The following FAM89A variants were observed in gnomAD, a reference collection of about 807,000 sequenced individuals.
FAM89A encodes family with sequence similarity 89 member A.
Under a neutral mutation model 7.1 loss-of-function variants are expected in FAM89A, and 10 were observed. The ratio of observed to expected loss-of-function variants is 1.40; its 90% CI spans 0.86 to 2.38. The LOEUF is 2.38. FAM89A is among the 30% of genes most tolerant of loss of function. The pLI is 0.00. For missense variants in FAM89A, 276 were observed against 262.8 expected, an observed-to-expected ratio of 1.05 and a Z score of -0.35; for synonymous variants, 157 against 129.3, an observed-to-expected ratio of 1.21 and a Z score of -1.45.
At chr1:231,021,345 G>T (rs1229311149) in intron 1 of FAM89A, among the ~76,000 whole-genome samples, 1 of 152,220 alleles carries the variant, frequency 6.6e-6, no homozygotes, top group Non-Finnish European at 1.5e-5. Context: ...ATGCCTCCCG[G>T]GCTAAAGCAC....
intron 1 of FAM89A, among the ~76,000 whole-genome samples, chr1:231,031,240 T>A (rs1188050485): frequency 6.6e-6 from 1 of 152,212 alleles, no homozygotes; most frequent in Non-Finnish European, 1.5e-5. Context: ...TTGGTTGAAG[T>A]AAATGAAGAA....
At position 231,035,124 on chromosome 1, in the gene FAM89A, A is replaced by G. The variant is rs540220683; in HGVS notation, c.291+4797T>C. Among the ~76,000 whole-genome samples the G allele has an allele frequency of 9.8e-5, 15 of 152,332 alleles. 1 individual carries two copies. The South Asian group carries it at 1.7e-3, about 17-fold the overall frequency. ...AGACACTGGTTTCACATAAAGGATA[A>G]GGACTGTACTCCACTGGGGTGTCAG... On this transcript the variant is annotated intron_variant, in intron 1 of 1. Transcript: ENST00000366654.
At chr1:231,038,295 A>G (rs1260274367) in intron 1 of FAM89A, among the ~76,000 whole-genome samples, 3 of 152,200 alleles carry the variant, frequency 2.0e-5, no homozygotes, top group Non-Finnish European at 4.4e-5. Flanking sequence ...GTTGTGCTTC[A>G]GTCACACCAG....
At chr1:231,022,053 T>C in intron 1 of FAM89A, 1 of 1,418,298 alleles carries the variant, frequency 7.1e-7, no homozygotes, top group African/African-American at 1.4e-5. Flanking sequence ...AATAGACGTC[T>C]CATCGTTTCC....
chr1:231,020,843 C>A (rs1679863572), intron 1 of FAM89A, among the ~76,000 whole-genome samples: 1 of 152,158 alleles, frequency 6.6e-6, no homozygotes, highest in East Asian at 1.9e-4. Context: ...TTATAAAAGT[C>A]ATATACTTGT....
chr1:231,020,186 TG>T, intron 1 of FAM89A, 60 bp from the exon 2 acceptor site: 1 of 1,509,886 alleles, frequency 6.6e-7, no homozygotes, highest in South Asian at 1.3e-5. Flanking sequence ...TTAATTTCAG[TG>T]GAACACTCAG....
At chr1:231,030,192 T>C (rs1255255730) in intron 1 of FAM89A, among the ~76,000 whole-genome samples, 1 of 152,222 alleles carries the variant, frequency 6.6e-6, no homozygotes, top group Non-Finnish European at 1.5e-5. Context: ...TCTGGTCAGC[T>C]TCATCTCCTG....
In FAM89A at chr1:231,020,097, C is replaced by T; in HGVS notation, c.321G>A (p.Leu107=). Residue 107 remains leucine, a synonymous_variant, in exon 2 of 2, where the codon TTG becomes TTA. Transcript: ENST00000366654. ...MVGLRQLDMS[L]LCQLYSLYES... is the part of the protein sequence containing the mutation. ...CGTAGAGGCTGTACAGTTGGCAGAG[C>T]AAGGACATGTCCAGCTGGCGGAGAC... 6.2e-7 allele frequency: 1 copy of T among 1,612,934 alleles called. No individual in the cohort carries two copies. Among genetic ancestry groups the T allele is most frequent in the Non-Finnish European group, 8.5e-7 (1 of 1,179,276 alleles).
At chr1:231,027,076 G>C (rs891993213) in intron 1 of FAM89A, 16 of 152,332 alleles carry the variant, frequency 1.1e-4, no homozygotes, top group Admixed American at 1.0e-3. Flanking sequence ...TTCCTGGGAT[G>C]GTTTGAGGTC....
At chr1:231,028,895 A>G (rs200370668) in intron 1 of FAM89A, among the ~76,000 whole-genome samples, 1 of 152,170 alleles carries the variant, frequency 6.6e-6, no homozygotes, top group African/African-American at 2.4e-5. Context: ...GGGGCCAAAC[A>G]AGCCCAAACC....
Position 231,040,235 on chromosome 1 carries a change from C to T in FAM89A, c.-24G>A. On this transcript the variant is annotated 5_prime_UTR_variant, in exon 1 of 2. Transcript: ENST00000366654. ...ATCGCGCCGCGGCCCGGCCACGCGC[C>T]TGCCCCGCTGCAGCGAACCAAGGCT... 3 of 1,034,198 alleles carry T rather than the reference C, an allele frequency of 2.9e-6. No homozygotes were observed. The highest frequency in any genetic ancestry group is 2.3e-6 in the Non-Finnish European group (2 of 863,918). The allele number at this position is 1,034,198 out of a possible 1,614,324, so 64.1% of individuals were successfully genotyped here.
intron 1 of FAM89A, chr1:231,028,606 T>C (rs1293566877): frequency 6.6e-6 from 1 of 152,218 alleles, no homozygotes; most frequent in Non-Finnish European, 1.5e-5. Context: ...ACAGCTCTCT[T>C]TTGAAAGCAC....
At chr1:231,025,601 T>A (rs1375406149) in intron 1 of FAM89A, among the ~76,000 whole-genome samples, 2 of 152,050 alleles carry the variant, frequency 1.3e-5, no homozygotes. Flanking sequence ...TGCTTGCTCT[T>A]TTTCTTGATT....
chr1:231,019,376 CGA>C lies in FAM89A; in HGVS notation c.*485_*486del, dbSNP rs1315223773. On this transcript the variant is annotated 3_prime_UTR_variant, in exon 2 of 2. Transcript: ENST00000366654. ...AGCTTACAAATAAATAAAGCTGAGGCGAGAGGTTTAAACAGCAAGAAAAGCTG... is the reference window on the plus strand; with the variant it reads ...AGCTTACAAATAAATAAAGCTGAGGCGAGGTTTAAACAGCAAGAAAAGCTG... 1 of 153,042 alleles carries C rather than the reference CGA, an allele frequency of 6.5e-6. No individual in the cohort carries two copies. Among genetic ancestry groups the C allele is most frequent in the Non-Finnish European group, 1.5e-5 (1 of 68,758 alleles). 9.5% of individuals were successfully genotyped at this position (153,042 alleles called of 1,614,324 possible).
chr1:231,021,910 G>A (rs1679886255), intron 1 of FAM89A: 7 of 1,540,952 alleles, frequency 4.5e-6, no homozygotes, highest in Admixed American at 3.4e-5. Context: ...ATGAGTTGTT[G>A]TCCAGGGACA....
chr1:231,039,888 G>C, intron 1 of FAM89A, 33 bp downstream of exon 1: 1 of 1,285,378 alleles, frequency 7.8e-7, no homozygotes, highest in Non-Finnish European at 9.8e-7. Flanking sequence ...GAGCCCGGCC[G>C]GGAAGAGCCC....
chr1:231,031,878 T>C (rs1450474658), intron 1 of FAM89A, among the ~76,000 whole-genome samples: 1 of 151,892 alleles, frequency 6.6e-6, no homozygotes, highest in Admixed American at 6.6e-5. Context: ...CATGTATAAG[T>C]GCCATTATCC....
chr1:231,034,126 T>A (rs1680119207), intron 1 of FAM89A, among the ~76,000 whole-genome samples: 1 of 152,204 alleles, frequency 6.6e-6, no homozygotes, highest in Admixed American at 6.5e-5. Context: ...CCTTTTCTGC[T>A]TCCCATTCTT....
intron 1 of FAM89A, among the ~76,000 whole-genome samples, chr1:231,039,436 G>A (rs909289923): frequency 6.6e-6 from 1 of 152,214 alleles, no homozygotes; most frequent in Non-Finnish European, 1.5e-5. Flanking sequence ...CTGGGGCGCC[G>A]GAAAGGGGGC....
Sources: allele counts gnomAD v4.1 joint callset (sites outside exome capture counted in the v4.1 genomes callset), GRCh38; gene constraint gnomAD v4.1.1; transcripts MANE v1.5; gene names NCBI Gene and HGNC (gene_info 2026-07-23, HGNC 2026-07-21).